PTPRM: variants seen among roughly 807,000 people sequenced by gnomAD.
The protein encoded by PTPRM is protein tyrosine phosphatase receptor type M.
Under a neutral mutation model 186.7 loss-of-function variants are expected in PTPRM, and 47 were observed. That is an observed-to-expected ratio of 0.25 (90% CI 0.20 to 0.32). PTPRM has a LOEUF of 0.32. PTPRM is among the 10% of genes least tolerant of loss of function. The pLI is 1.00. For missense variants in PTPRM, 1,494 were observed against 1,865.0 expected (o/e 0.80, Z 3.66); for synonymous variants, 668 against 674.9 (o/e 0.99, Z 0.16).
intron 19 of PTPRM, among the ~76,000 whole-genome samples, chr18:8,257,914 A>G (rs1359358670): frequency 6.6e-6 from 1 of 152,242 alleles, no homozygotes; most frequent in Non-Finnish European, 1.5e-5. Flanking sequence ...AGTAGCCGAC[A>G]GAAGTATGTC....
intron 11 of PTPRM, among the ~76,000 whole-genome samples, chr18:8,100,851 G>A (rs572746142): frequency 6.6e-5 from 10 of 152,198 alleles, no homozygotes; most frequent in East Asian, 5.8e-4. Context: ...ATTATACTCC[G>A]CTTTTAGTAA....
intron 4 of PTPRM, among the ~76,000 whole-genome samples, chr18:7,913,165 A>G (rs1451756707): frequency 6.6e-6 from 1 of 152,182 alleles, no homozygotes; most frequent in East Asian, 1.9e-4. Flanking sequence ...GTAGAAATGC[A>G]GTTGATTTTG....
chr18:8,076,694 A>G (rs1236486094), intron 9 of PTPRM, 130 bp downstream of exon 9: 33 of 520,658 alleles, frequency 6.3e-5, no homozygotes, highest in Non-Finnish European at 3.3e-6. Context: ...CAGTAGTTAT[A>G]ATGGTTGTTA....
chr18:8,062,713 T>G (rs1318374383), intron 7 of PTPRM, among the ~76,000 whole-genome samples: 260 of 60,464 alleles, frequency 4.3e-3, no homozygotes, highest in Non-Finnish European at 6.2e-3. Flanking sequence ...TGGAGTACCC[T>G]GCCGTGTGAG....
chr18:7,895,078 A>T (rs1470141564), intron 3 of PTPRM, among the ~76,000 whole-genome samples: 1 of 152,218 alleles, frequency 6.6e-6, no homozygotes, highest in Non-Finnish European at 1.5e-5. Flanking sequence ...CAGTAAAAGA[A>T]CATACACTTT....
intron 1 of PTPRM, among the ~76,000 whole-genome samples, chr18:7,688,963 T>C (rs185592984): frequency 2.6e-5 from 4 of 152,244 alleles, no homozygotes; most frequent in East Asian, 3.9e-4. Flanking sequence ...AAATGCAAAA[T>C]AGCATACTGA....
intron 2 of PTPRM, among the ~76,000 whole-genome samples, chr18:7,850,157 A>G (rs1380223553): frequency 6.6e-6 from 1 of 152,220 alleles, no homozygotes; most frequent in Non-Finnish European, 1.5e-5. Context: ...ATAAGAACTT[A>G]TATTGTATAT....
intron 1 of PTPRM, among the ~76,000 whole-genome samples, chr18:7,672,300 T>C (rs2039234866): frequency 6.6e-6 from 1 of 151,476 alleles, no homozygotes; most frequent in Admixed American, 6.6e-5. Flanking sequence ...TCAGGTTAAG[T>C]TTTTTTTTCA....
At chr18:8,291,304 A>G (rs2095040576) in intron 19 of PTPRM, among the ~76,000 whole-genome samples, 1 of 152,244 alleles carries the variant, frequency 6.6e-6, no homozygotes, top group Non-Finnish European at 1.5e-5. Flanking sequence ...TGTCTCAGGC[A>G]TAGAAAGATG....
chr18:8,136,085 A>G (rs1431706085), intron 13 of PTPRM, among the ~76,000 whole-genome samples: 34 of 152,206 alleles, frequency 2.2e-4, no homozygotes, highest in Admixed American at 2.2e-3. Context: ...GAGAGACAGT[A>G]GGTTTCCATT....
chr18:7,977,121 C>T (rs1407145543), intron 7 of PTPRM, among the ~76,000 whole-genome samples: 1 of 152,028 alleles, frequency 6.6e-6, no homozygotes, highest in African/African-American at 2.4e-5. Flanking sequence ...CAGAGTTTCG[C>T]CCTTTTTGCC....
At chr18:8,317,718 T>C (rs1339815954) in intron 21 of PTPRM, among the ~76,000 whole-genome samples, 1 of 152,084 alleles carries the variant, frequency 6.6e-6, no homozygotes, top group East Asian at 1.9e-4. Flanking sequence ...TTAAGGGGAT[T>C]GATTATACTC....
chr18:7,807,284 A>G (rs545681098), intron 2 of PTPRM, among the ~76,000 whole-genome samples: 6 of 152,236 alleles, frequency 3.9e-5, no homozygotes, highest in Non-Finnish European at 7.3e-5. Context: ...TTACACTGCC[A>G]TGGAACATGG....
chr18:8,386,843 T>G (rs1396670213), intron 30 of PTPRM, among the ~76,000 whole-genome samples: 1 of 152,234 alleles, frequency 6.6e-6, no homozygotes, highest in African/African-American at 2.4e-5. Context: ...GCATTCTGCC[T>G]CACTGGCCTG....
intron 7 of PTPRM, among the ~76,000 whole-genome samples, chr18:8,032,357 C>T (rs1269518942): frequency 3.3e-5 from 5 of 152,126 alleles, no homozygotes; most frequent in African/African-American, 4.8e-5. Context: ...TCCAACATAA[C>T]GTTTCCTCTT....
chr18:7,592,818 A>G (rs2037161789), intron 1 of PTPRM, among the ~76,000 whole-genome samples: 1 of 152,202 alleles, frequency 6.6e-6, no homozygotes, highest in African/African-American at 2.4e-5. Context: ...GTGCACATTC[A>G]AGTGTGTGAG....
rs2042253873 is a variant in PTPRM at position 7,771,166 on chromosome 18, C to T, written c.74-2983C>T. Among the ~76,000 whole-genome samples the T allele has an allele frequency of 2.0e-5, 3 of 152,122 alleles. No homozygotes were observed. In the South Asian group the frequency reaches 6.2e-4, roughly 32 times the overall value. On this transcript the variant is annotated intron_variant, in intron 1 of 32. Transcript: ENST00000580170. ...TTTGTAAACCGGGTCTGTAGCCAGC[C>T]TTAAGTTGTTTTGTGGATGCTTATC...
chr18:8,307,083 G>T (rs903836029), intron 20 of PTPRM, among the ~76,000 whole-genome samples: 1 of 152,182 alleles, frequency 6.6e-6, no homozygotes, highest in Non-Finnish European at 1.5e-5. Context: ...GAGAGAGGAC[G>T]CGTAAGAATC....
At chr18:8,163,556 C>T (rs1345938982) in intron 14 of PTPRM, among the ~76,000 whole-genome samples, 4 of 152,166 alleles carry the variant, frequency 2.6e-5, no homozygotes, top group Non-Finnish European at 5.9e-5. Flanking sequence ...AGGAACACAG[C>T]ATAAATAAAT....
Sources: allele counts gnomAD v4.1 joint callset (sites outside exome capture counted in the v4.1 genomes callset), GRCh38; gene constraint gnomAD v4.1.1; transcripts MANE v1.5; gene names NCBI Gene and HGNC (gene_info 2026-07-23, HGNC 2026-07-21).